Variants in F2RL1 observed in about 807,000 individuals in gnomAD.
F2RL1 encodes proteinase-activated receptor 2.
A neutral mutation model predicts 21.7 loss-of-function variants in F2RL1; 16 were observed. The ratio of observed to expected loss-of-function variants is 0.74; its 90% CI spans 0.50 to 1.12. The LOEUF (loss-of-function observed/expected upper bound fraction) is 1.12, where lower values mean the gene tolerates loss of function less well. F2RL1 is among the 50% of genes most tolerant of loss of function. F2RL1 has a pLI of 0.00. For synonymous variants in F2RL1, 181 were observed against 186.7 expected (o/e 0.97, Z 0.25); for missense variants, 432 against 477.8 (o/e 0.90, Z 0.89).
rs1469761219 is a variant in F2RL1, at chr5:76,833,923, C to T, written c.*122C>T. 8 of 1,056,880 alleles carry T rather than the reference C, an allele frequency of 7.6e-6. No individual in the cohort carries two copies. The highest frequency in any genetic ancestry group is 2.4e-5 in the East Asian group (1 of 41,746). The allele number at this position is 1,056,880 out of a possible 1,614,324, so 65.5% of individuals were successfully genotyped here. On this transcript the variant is annotated 3_prime_UTR_variant, in exon 2 of 2. Transcript: ENST00000296677. ...ACCACATACCATGTGGATGCAGCAC[C>T]TCTCAGGATTGCTAGGAGCTCCCCT...
chr5:76,832,008 TAA>T (rs1295112161), intron 1 of F2RL1, among the ~76,000 whole-genome samples: 6 of 133,140 alleles, frequency 4.5e-5, no homozygotes, highest in Admixed American at 7.5e-5. Flanking sequence ...ACCCCATCTC[TAA>T]AAAAAAAAAA....
In F2RL1 at chr5:76,819,109, G is replaced by A; in HGVS notation, c.-74G>A. 1 of 1,241,872 alleles carries A rather than the reference G, an allele frequency of 8.1e-7. No homozygotes were observed. Among genetic ancestry groups the A allele is most frequent in the Non-Finnish European group, 1.1e-6 (1 of 883,388 alleles). The allele number at this position is 1,241,872 out of a possible 1,614,324, so 76.9% of individuals were successfully genotyped here. On this transcript the variant is annotated 5_prime_UTR_variant, in exon 1 of 2. Coordinates refer to ENST00000296677, the MANE Select transcript of F2RL1 (RefSeq NM_005242.6). ...TGAGAGGCTGACTTTCTCTCGGTGC[G>A]TCCAGTGGAGCTCTGAGTTTCGAAT...
intron 1 of F2RL1, among the ~76,000 whole-genome samples, chr5:76,821,630 T>A (rs960834555): frequency 2.0e-5 from 3 of 147,446 alleles, no homozygotes; most frequent in African/African-American, 7.5e-5. Context: ...CAGGCTTGAG[T>A]GCAGTGGTGC....
chr5:76,831,728 A>G (rs1338538989), intron 1 of F2RL1, among the ~76,000 whole-genome samples: 1 of 152,060 alleles, frequency 6.6e-6, no homozygotes, highest in African/African-American at 2.4e-5. Flanking sequence ...GGGTTTCGCC[A>G]TGTTAGCCAG....
At chr5:76,831,580 C>T (rs1750349250) in intron 1 of F2RL1, among the ~76,000 whole-genome samples, 2 of 146,326 alleles carry the variant, frequency 1.4e-5, no homozygotes, top group African/African-American at 5.1e-5. Flanking sequence ...GTCACCCAGG[C>T]TGAAGTGCAG....
Position 76,819,186 on chromosome 5 carries a change from C to A in F2RL1, c.4C>A (p.Arg2=), listed in dbSNP as rs61749608. The A allele has an allele frequency of 8.5e-3, 13,363 of 1,581,128 alleles. 81 individuals are homozygous for A. The highest frequency in any genetic ancestry group is 0.01 in the Non-Finnish European group (11,826 of 1,172,778). The change falls in exon 1 of 2, where the codon CGG becomes AGG. Residue 2 remains arginine, a synonymous_variant. Transcript: ENST00000296677. ...CGGCGTCGGGGCTTCCAGGAGGATG[C>A]GGAGCCCCAGCGCGGCGTGGCTGCT... M[R]SPSAAWLLGA... is the part of the protein sequence containing the mutation.
intron 1 of F2RL1, among the ~76,000 whole-genome samples, chr5:76,830,792 A>G (rs1406961435): frequency 1.3e-5 from 2 of 152,254 alleles, no homozygotes; most frequent in African/African-American, 4.8e-5. Context: ...ATTGATCTCT[A>G]CATCCCCCAA....
chr5:76,832,545 C>T, intron 1 of F2RL1, 145 bp from the exon 2 acceptor site: 1 of 823,236 alleles, frequency 1.2e-6, no homozygotes, highest in Non-Finnish European at 1.8e-6. Context: ...TATGATCGCT[C>T]CACTACGCTC....
intron 1 of F2RL1, among the ~76,000 whole-genome samples, chr5:76,830,680 C>T (rs982293748): frequency 5.9e-5 from 9 of 152,166 alleles, no homozygotes; most frequent in African/African-American, 1.7e-4. Context: ...TCTGCAAAGA[C>T]ATTTTTGCTA....
At chr5:76,830,547 A>C (rs552734376) in intron 1 of F2RL1, among the ~76,000 whole-genome samples, 1 of 152,220 alleles carries the variant, frequency 6.6e-6, no homozygotes, top group Non-Finnish European at 1.5e-5. Context: ...AAGTGCTGGG[A>C]TTACAGGCGT....
At chr5:76,824,615 C>A (rs930465174) in intron 1 of F2RL1, among the ~76,000 whole-genome samples, 21 of 151,510 alleles carry the variant, frequency 1.4e-4, no homozygotes, top group Non-Finnish European at 2.5e-4. Flanking sequence ...GCGTGAGCCA[C>A]CCTGCCAGGG....
At position 76,819,153 on chromosome 5, in the gene F2RL1, C is replaced by T; in HGVS notation, c.-30C>T. 1 of 1,553,762 alleles carries T rather than the reference C, an allele frequency of 6.4e-7. No individual in the cohort carries two copies. Among genetic ancestry groups the T allele is most frequent in the Non-Finnish European group, 8.6e-7 (1 of 1,156,976 alleles). ...TTCGAATCGGCGGCGGCGGATTCCC[C>T]GCGCGCCCGGCGTCGGGGCTTCCAG... On this transcript the variant is annotated 5_prime_UTR_variant, in exon 1 of 2. Transcript: ENST00000296677.
At chr5:76,820,041 T>C (rs1189275609) in intron 1 of F2RL1, among the ~76,000 whole-genome samples, 1 of 152,208 alleles carries the variant, frequency 6.6e-6, no homozygotes, top group Non-Finnish European at 1.5e-5. Context: ...GGCCTGGGGT[T>C]CCGGGACTTT....
intron 1 of F2RL1, among the ~76,000 whole-genome samples, chr5:76,819,642 G>T (rs1262781661): frequency 3.9e-5 from 6 of 152,170 alleles, no homozygotes; most frequent in East Asian, 1.9e-4. Context: ...CCCGGGCTTG[G>T]TTGCTTTGTA....
rs1013003093 is a variant in F2RL1, at chr5:76,819,555, C to A, written c.82+291C>A. 6.6e-5 allele frequency among the ~76,000 whole-genome samples: 10 copies of A among 152,260 alleles called. No individual in the cohort carries two copies. In the East Asian group the frequency reaches 1.7e-3, roughly 27 times the overall value. ...CTGTCATGCTGGGCACCTCCAGGCC[C>A]CAGCGTGGGTTCGGGGAAAGGGAGG... On this transcript the variant is annotated intron_variant, in intron 1 of 1. Coordinates refer to ENST00000296677, the MANE Select transcript of F2RL1 (RefSeq NM_005242.6).
In F2RL1 at chr5:76,833,669, T is replaced by C. The variant is rs1242406831; in HGVS notation, c.1062T>C (p.His354=). 3 of 1,614,030 alleles carry C rather than the reference T, an allele frequency of 1.9e-6. No individual in the cohort carries two copies. Among genetic ancestry groups the C allele is most frequent in the Non-Finnish European group, 1.7e-6 (2 of 1,180,008 alleles). ...TTGTTTCACATGATTTCAGGGATCA[T>C]GCAAAGAACGCTCTCCTTTGCCGAA... The part of the protein sequence containing the change: ...YYFVSHDFRD[H]AKNALLCRSV... The change falls in exon 2 of 2, where the codon CAT becomes CAC. Residue 354 remains histidine, a synonymous_variant. Transcript: ENST00000296677.
intron 1 of F2RL1, among the ~76,000 whole-genome samples, chr5:76,824,161 C>A (rs1289937691): frequency 1.8e-4 from 12 of 66,910 alleles, no homozygotes; most frequent in African/African-American, 4.9e-4. Context: ...CCCACCACAC[C>A]CCCCCCCCCT....
intron 1 of F2RL1, among the ~76,000 whole-genome samples, chr5:76,823,626 G>A (rs970440178): frequency 5.9e-5 from 9 of 151,890 alleles, no homozygotes; most frequent in Non-Finnish European, 8.8e-5. Context: ...TGATCCGCCC[G>A]CCTTGGCCTC....
intron 1 of F2RL1, among the ~76,000 whole-genome samples, chr5:76,829,648 C>A (rs1262099896): frequency 2.0e-5 from 3 of 152,144 alleles, no homozygotes; most frequent in Non-Finnish European, 4.4e-5. Context: ...CTAATTGTTA[C>A]ATACATTGTC....
Sources: allele counts gnomAD v4.1 joint callset (sites outside exome capture counted in the v4.1 genomes callset), GRCh38; gene constraint gnomAD v4.1.1; transcripts MANE v1.5; gene names NCBI Gene and HGNC (gene_info 2026-07-23, HGNC 2026-07-21).